Variants in UHRF2 observed in about 807,000 individuals in gnomAD.
UHRF2 encodes the protein ubiquitin like with PHD and ring finger domains 2.
In UHRF2, 23 loss-of-function variants were observed where a neutral mutation model predicts 96.8. That is an observed-to-expected ratio of 0.24 (90% CI 0.17 to 0.34). The LOEUF (loss-of-function observed/expected upper bound fraction) is 0.34, where lower values mean the gene tolerates loss of function less well. Ranked by LOEUF, UHRF2 falls within the 10% of genes least tolerant of loss-of-function variation. UHRF2 has a pLI of 1.00. For synonymous variants in UHRF2, 385 were observed against 332.6 expected (o/e 1.16, Z -1.72); for missense variants, 685 against 981.5 (o/e 0.70, Z 4.04).
chr9:6,479,195 T>G (rs1228452932), intron 6 of UHRF2, among the ~76,000 whole-genome samples: 1 of 152,194 alleles, frequency 6.6e-6, no homozygotes. Flanking sequence ...CTATCTCTAC[T>G]AATTGTTTCC....
rs149227077 is a variant in UHRF2 at position 6,493,874 on chromosome 9, G to T, written c.1546G>T (p.Ala516Ser). ...CACTGGAAGCGGTGGTAAAAATCTT[G>T]CTGGTAACAAAAGAATTGGTGCACC... Reference protein sequence around the residue: ...TYTGSGGKNLAGNKRIGAPSA... With the variant: ...TYTGSGGKNLSGNKRIGAPSA... Residue 516 changes from alanine to serine, a missense_variant, in exon 10 of 16, where the codon GCT becomes TCT. By Grantham distance (99) the Ala-to-Ser change is moderately conservative (BLOSUM62 1). This residue lies in a region of UHRF2 where 73 missense variants were observed against 283.7 expected (regional missense o/e 0.26). Transcript: ENST00000276893. 2.7e-5 allele frequency: 43 copies of T among 1,613,812 alleles called. No homozygotes were observed. Among genetic ancestry groups the T allele is most frequent in the Non-Finnish European group, 3.5e-5 (41 of 1,179,950 alleles).
In UHRF2 at chr9:6,434,140, A is replaced by G; in HGVS notation, c.611A>G (p.Asp204Gly). 6.2e-7 allele frequency: 1 copy of G among 1,614,036 alleles called. No individual in the cohort carries two copies. Reference sequence around the variant, plus strand: ...TCTAATTCAGACTGTGTTGCTGCTGATGAAGACGTTATTTACCATATCCAG... The same window carrying G: ...TCTAATTCAGACTGTGTTGCTGCTGGTGAAGACGTTATTTACCATATCCAG... ...STSNSDCVAA[D>G]EDVIYHIQYD... The change falls in exon 3 of 16, where the codon GAT becomes GGT. Residue 204 changes from aspartate to glycine, a missense_variant. By Grantham distance (94) the Asp-to-Gly change is moderately conservative (BLOSUM62 -1). This residue lies in a region of UHRF2 where 391 missense variants were observed against 437.0 expected (regional missense o/e 0.89). Transcript: ENST00000276893.
At chr9:6,485,371 G>T (rs975610887) in intron 8 of UHRF2, among the ~76,000 whole-genome samples, 1 of 151,856 alleles carries the variant, frequency 6.6e-6, no homozygotes, top group Non-Finnish European at 1.5e-5. Context: ...AACTCTGAAA[G>T]CCTCCTTATA....
At chr9:6,465,147 T>G (rs1010722880) in intron 4 of UHRF2, among the ~76,000 whole-genome samples, 1 of 152,172 alleles carries the variant, frequency 6.6e-6, no homozygotes, top group Non-Finnish European at 1.5e-5. Context: ...TTCCCCTGCT[T>G]TCCAAGAGAA....
At chr9:6,497,936 C>G in intron 11 of UHRF2, 82 bp from the exon 12 acceptor site, 1 of 1,527,282 alleles carries the variant, frequency 6.5e-7, no homozygotes, top group Non-Finnish European at 8.9e-7. Flanking sequence ...TTAGTTCTGG[C>G]AAAGATTATT....
intron 4 of UHRF2, among the ~76,000 whole-genome samples, chr9:6,472,606 A>C (rs1295369715): frequency 2.0e-5 from 3 of 152,266 alleles, no homozygotes; most frequent in Admixed American, 2.0e-4. Flanking sequence ...TGCGCTAAAC[A>C]TTTAAAATAT....
intron 2 of UHRF2, among the ~76,000 whole-genome samples, chr9:6,421,959 C>T (rs973248630): frequency 6.6e-6 from 1 of 152,142 alleles, no homozygotes; most frequent in African/African-American, 2.4e-5. Context: ...ACTATTATGT[C>T]ATTCCATTTT....
At chr9:6,445,415 C>T (rs1315932921) in intron 3 of UHRF2, among the ~76,000 whole-genome samples, 1 of 152,128 alleles carries the variant, frequency 6.6e-6, no homozygotes, top group Admixed American at 6.5e-5. Context: ...GGGCATTCCA[C>T]CACATTCGGC....
chr9:6,500,635 C>A lies in UHRF2; in HGVS notation c.2089C>A (p.Gln697Lys). 1 of 1,614,012 alleles carries A rather than the reference C, an allele frequency of 6.2e-7. No homozygotes were observed. Among genetic ancestry groups the A allele is most frequent in the Non-Finnish European group, 8.5e-7 (1 of 1,179,966 alleles). Residue 697 changes from glutamine to lysine, a missense_variant, in exon 14 of 16, where the codon CAA (glutamine) becomes AAA (lysine). By Grantham distance (53) the Gln-to-Lys change is moderately conservative. Transcript: ENST00000276893. ...GGCTTTTCAACTAACTCCTCAACAG[C>A]AACATCTCATCAGAGAAGATTGTCA... ...IEAFQLTPQQ[Q>K]HLIREDCQNQ...
At chr9:6,459,065 C>T (rs1196438013) in intron 3 of UHRF2, among the ~76,000 whole-genome samples, 4 of 152,040 alleles carry the variant, frequency 2.6e-5, no homozygotes, top group South Asian at 2.1e-4. Flanking sequence ...AGGGGCCTGT[C>T]GGAGGGTAGG....
intron 12 of UHRF2, chr9:6,498,691 C>G (rs1208160780): frequency 6.5e-6 from 1 of 152,846 alleles, no homozygotes; most frequent in African/African-American, 2.4e-5. Context: ...CCCATAAAGA[C>G]TTCGTTGATT....
intron 1 of UHRF2, among the ~76,000 whole-genome samples, chr9:6,416,685 G>A (rs1211364602): frequency 6.6e-6 from 1 of 151,814 alleles, no homozygotes; most frequent in Non-Finnish European, 1.5e-5. Context: ...GACTACAGGC[G>A]CCCGCCACTG....
rs913104427 is a variant in UHRF2, at chr9:6,434,273, C to G, written c.644+100C>G. On this transcript the variant is annotated intron_variant, in intron 3 of 15. Transcript: ENST00000276893. ...TTTTAAATAGTCTTTCTGAAGAAAT[C>G]CTTTAGAGGTTATGTTCATTTGTTA... 132 of 1,369,784 alleles carry G rather than the reference C, an allele frequency of 9.6e-5. No homozygotes were observed. The Admixed American group carries it at 1.0e-3, about 11-fold the overall frequency. The allele number at this position is 1,369,784 out of a possible 1,614,324, so 84.9% of individuals were successfully genotyped here.
intron 2 of UHRF2, among the ~76,000 whole-genome samples, chr9:6,428,723 A>G (rs887320850): frequency 6.6e-6 from 1 of 150,846 alleles, no homozygotes; most frequent in East Asian, 1.9e-4. Context: ...CTAATTTTCA[A>G]TTTTTCGTAG....
chr9:6,475,061 GCA>G (rs561704199), intron 4 of UHRF2, among the ~76,000 whole-genome samples: 176 of 152,196 alleles, frequency 1.2e-3, no homozygotes, highest in Non-Finnish European at 1.9e-3. Flanking sequence ...GTTTAATATT[GCA>G]CAGATTTAAC....
intron 3 of UHRF2, among the ~76,000 whole-genome samples, chr9:6,435,799 G>T (rs1179594393): frequency 6.6e-6 from 1 of 151,878 alleles, no homozygotes; most frequent in Non-Finnish European, 1.5e-5. Flanking sequence ...AGTAGAGACA[G>T]GGTTTCACTA....
At chr9:6,431,624 A>G (rs1333498096) in intron 2 of UHRF2, among the ~76,000 whole-genome samples, 3 of 152,192 alleles carry the variant, frequency 2.0e-5, no homozygotes, top group Non-Finnish European at 4.4e-5. Context: ...TAGGTTTACT[A>G]TATTCAAAGA....
chr9:6,421,717 T>C (rs559193406), intron 2 of UHRF2, among the ~76,000 whole-genome samples: 1 of 152,266 alleles, frequency 6.6e-6, no homozygotes, highest in South Asian at 2.1e-4. Context: ...TCGCCCAGCC[T>C]TAAATACCTG....
chr9:6,467,620 T>A (rs12378272), intron 4 of UHRF2, among the ~76,000 whole-genome samples: 1 of 133,568 alleles, frequency 7.5e-6, no homozygotes, highest in South Asian at 2.4e-4. Flanking sequence ...TTTTTTTTGG[T>A]ATTTTAACAT....
Sources: allele counts gnomAD v4.1 joint callset (sites outside exome capture counted in the v4.1 genomes callset), GRCh38; gene constraint gnomAD v4.1.1; regional missense constraint gnomAD v4.1.1; transcripts MANE v1.5; gene names NCBI Gene and HGNC (gene_info 2026-07-23, HGNC 2026-07-21).